Variants in RASA3 observed in about 807,000 individuals in gnomAD.
RASA3 encodes RAS p21 protein activator 3, also known as ras GTPase-activating protein 3.
In RASA3, 73 loss-of-function variants were observed where a neutral mutation model predicts 110.0. The observed-to-expected ratio is 0.66, with a 90% CI of 0.55 to 0.81. The LOEUF is 0.81. RASA3 is among the 30% of genes least tolerant of loss of function. RASA3 has a pLI of 0.00. For synonymous variants in RASA3, 500 were observed against 451.4 expected, an observed-to-expected ratio of 1.11 and a Z score of -1.37; for missense variants, 976 against 1,113.2, an observed-to-expected ratio of 0.88 and a Z score of 1.75.
intron 4 of RASA3, among the ~76,000 whole-genome samples, chr13:114,039,852 C>T (rs574352681): frequency 1.2e-4 from 19 of 152,326 alleles, no homozygotes; most frequent in Admixed American, 7.8e-4. Context: ...TGGACAGGAC[C>T]GGGGTGAGCC....
At chr13:113,996,821 G>A (rs1030045003) in intron 20 of RASA3, 82 bp from the exon 21 acceptor site, 51 of 1,257,910 alleles carry the variant, frequency 4.1e-5, no homozygotes, top group Non-Finnish European at 5.2e-5. Flanking sequence ...GCACCTGGCC[G>A]TCCTCGCCGG....
chr13:113,996,805 C>T (rs1441362527), intron 20 of RASA3, 66 bp from the exon 21 acceptor site: 4 of 1,410,542 alleles, frequency 2.8e-6, no homozygotes, highest in East Asian at 2.3e-5. Context: ...TGCAAGAGTC[C>T]ACCAGGCACC....
intron 18 of RASA3, among the ~76,000 whole-genome samples, chr13:114,005,133 T>C (rs4883659): frequency 0.71 from 107,609 of 152,030 alleles, 38,903 homozygotes; most frequent in African/African-American, 0.87. Flanking sequence ...AGGGTGGAGG[T>C]GGGAGCGGGA....
At chr13:114,038,718 G>A (rs962150797) in intron 4 of RASA3, among the ~76,000 whole-genome samples, 1 of 138,978 alleles carries the variant, frequency 7.2e-6, no homozygotes, top group Admixed American at 7.1e-5. Flanking sequence ...GTTCCCAGAG[G>A]ACGAGGGTTC....
Position 113,981,768 on chromosome 13 carries a change from G to A in RASA3, c.2336C>T (p.Thr779Met), listed in dbSNP as rs79648835. The A allele has an allele frequency of 2.3e-4, 365 of 1,614,072 alleles. 2 individuals carry two copies. In the African/African-American group the frequency reaches 4.1e-3, roughly 18 times the overall value. The change falls in exon 23 of 24, where the codon ACG becomes ATG. Residue 779 changes from threonine to methionine, a missense_variant. Transcript: ENST00000334062. ...AACCCCAGCGATGACTTGCTTTAGCGTCTTGTAGGTCTCCTGGGGGTCGTC... is the reference window on the plus strand; with the variant it reads ...AACCCCAGCGATGACTTGCTTTAGCATCTTGTAGGTCTCCTGGGGGTCGTC... ...VIDDPQETYK[T>M]LKQVIAGVGA... is the part of the protein sequence containing the mutation.
At chr13:114,079,409 G>A (rs948069403) in intron 1 of RASA3, among the ~76,000 whole-genome samples, 1 of 152,218 alleles carries the variant, frequency 6.6e-6, no homozygotes, top group Non-Finnish European at 1.5e-5. Context: ...GAGGAAGTGC[G>A]GCTCTCAAGG....
Position 114,115,967 on chromosome 13 carries a change from G to A in RASA3, c.55+16468C>T, listed in dbSNP as rs1273921573. 6.6e-6 allele frequency among the ~76,000 whole-genome samples: 1 copy of A among 152,228 alleles called. No individual in the cohort carries two copies. The highest frequency in any genetic ancestry group is 1.5e-5 in the Non-Finnish European group (1 of 68,046). ...GCTCAGAGGCGTCTGCAGTTGAGGC[G>A]GGTGACGTTCTGGGGTCCCTGGGAA... is the stretch of plus-strand genomic sequence containing the variant. On this transcript the variant is annotated intron_variant, in intron 1 of 23. Coordinates refer to ENST00000334062, the MANE Select transcript of RASA3 (RefSeq NM_007368.4). The surrounding 1 kb of genome is among the most constrained non-coding windows in gnomAD (Gnocchi z 5.0).
chr13:114,059,411 GAGGAGGCGCAGGTACCC>G (rs1351393786), intron 2 of RASA3, among the ~76,000 whole-genome samples: 3 of 152,246 alleles, frequency 2.0e-5, no homozygotes, highest in Admixed American at 1.3e-4. Context: ...AAGCCAATGC[GAGGAGGCGCAGGTACCC>G]AGGAGGCACA....
At chr13:114,103,052 G>A (rs189812204) in intron 1 of RASA3, among the ~76,000 whole-genome samples, 24 of 152,184 alleles carry the variant, frequency 1.6e-4, no homozygotes, top group East Asian at 3.9e-4. Context: ...GGGCAGCTCC[G>A]GTGCAGCCGG....
intron 18 of RASA3, among the ~76,000 whole-genome samples, chr13:114,002,841 C>A (rs1445960449): frequency 1.3e-5 from 2 of 152,206 alleles, no homozygotes; most frequent in African/African-American, 4.8e-5. Flanking sequence ...ACGGCTAAGC[C>A]GGAAGCCTCA....
At chr13:114,007,926 C>T (rs2053552572) in intron 17 of RASA3, among the ~76,000 whole-genome samples, 1 of 146,420 alleles carries the variant, frequency 6.8e-6, no homozygotes, top group African/African-American at 2.5e-5. Context: ...GCTCAGGCAT[C>T]CCTGACTGTG....
intron 13 of RASA3, among the ~76,000 whole-genome samples, chr13:114,015,701 G>A (rs1164242547): frequency 2.0e-5 from 3 of 152,216 alleles, no homozygotes; most frequent in Non-Finnish European, 4.4e-5. Context: ...CTAAAATGTT[G>A]GAGCAAGTTC....
intron 21 of RASA3, among the ~76,000 whole-genome samples, chr13:113,994,147 G>A (rs2053182976): frequency 6.6e-6 from 1 of 152,082 alleles, no homozygotes; most frequent in Admixed American, 6.5e-5. Context: ...ATTTTTGTTT[G>A]AAGTATGACA....
chr13:114,071,201 T>G (rs1594421782), intron 2 of RASA3, among the ~76,000 whole-genome samples: 2 of 152,350 alleles, frequency 1.3e-5, no homozygotes, highest in East Asian at 3.9e-4. Flanking sequence ...CACTGCGGCC[T>G]CAACCTCCTG....
rs576973325 is a variant in RASA3, at chr13:114,021,124, T to C, written c.785+280A>G. ...GAGCTGCTCGTGGCTTAGGGCCGCT[T>C]TCACCCACGTTCCCTGTCTTGTTTT... On this transcript the variant is annotated intron_variant, in intron 9 of 23. Coordinates refer to ENST00000334062, the MANE Select transcript of RASA3 (RefSeq NM_007368.4). 1.3e-4 allele frequency among the ~76,000 whole-genome samples: 20 copies of C among 150,202 alleles called. No homozygotes were observed. In the South Asian group the frequency reaches 2.9e-3, roughly 22 times the overall value.
intron 1 of RASA3, among the ~76,000 whole-genome samples, chr13:114,119,539 GGC>G (rs2080337922): frequency 8.4e-6 from 1 of 119,560 alleles, no homozygotes; most frequent in African/African-American, 3.3e-5. Context: ...TCTCCAGCCA[GGC>G]GTCGATCAGG....
chr13:114,019,757 T>C (rs1352265139), intron 9 of RASA3, among the ~76,000 whole-genome samples: 3 of 136,288 alleles, frequency 2.2e-5, no homozygotes, highest in Admixed American at 7.4e-5. Flanking sequence ...CCCCGTCAGG[T>C]GGGTGGAGCC....
chr13:113,990,233 G>A (rs976097374), intron 22 of RASA3, among the ~76,000 whole-genome samples: 2 of 152,104 alleles, frequency 1.3e-5, no homozygotes, highest in Non-Finnish European at 2.9e-5. Context: ...ATAGCAACAT[G>A]AGAACTAATA....
At chr13:114,046,543 G>T (rs1055422523) in intron 3 of RASA3, among the ~76,000 whole-genome samples, 1 of 152,204 alleles carries the variant, frequency 6.6e-6, no homozygotes, top group Non-Finnish European at 1.5e-5. Context: ...CTAGAAAAAG[G>T]GTGGTAATTT....
Sources: gnomAD v4.1 joint callset for allele counts (sites outside exome capture counted in the v4.1 genomes callset) on GRCh38, gnomAD v4.1.1 for gene constraint, Gnocchi (gnomAD v3.1) non-coding constraint, MANE v1.5 for transcripts, NCBI Gene and HGNC (gene_info 2026-07-23, HGNC 2026-07-21) for gene names.